The following CDT1 variants were observed in gnomAD, a reference collection of about 807,000 sequenced individuals.
CDT1 encodes DNA replication factor Cdt1.
In CDT1, 66 loss-of-function variants were observed where a neutral mutation model predicts 49.3. That is an observed-to-expected ratio of 1.34 (90% CI 1.10 to 1.64). The LOEUF is 1.64. Ranked by LOEUF, CDT1 falls within the 40% of genes most tolerant of loss-of-function variation. The pLI, the probability that CDT1 is intolerant of heterozygous loss-of-function variation, is 0.00. For synonymous variants in CDT1, 424 were observed against 347.4 expected, an observed-to-expected ratio of 1.22 and a Z score of -2.45; for missense variants, 958 against 807.7, an observed-to-expected ratio of 1.19 and a Z score of -2.26.
chr16:88,805,916 C>A, intron 5 of CDT1, 47 bp downstream of exon 5: 1 of 1,605,198 alleles, frequency 6.2e-7, no homozygotes, highest in Non-Finnish European at 8.5e-7. Flanking sequence ...GTGAGCCGCA[C>A]AGTTTCCAGG....
Position 88,805,547 on chromosome 16 carries a change from G to A in CDT1, c.596G>A (p.Ser199Asn). 3 of 1,612,912 alleles carry A rather than the reference G, an allele frequency of 1.9e-6. No homozygotes were observed. Among genetic ancestry groups the A allele is most frequent in the South Asian group, 1.1e-5 (1 of 91,090 alleles). The change falls in exon 4 of 10, where the codon AGC becomes AAC. Residue 199 changes from serine to asparagine, a missense_variant. Ser to Asn is a conservative substitution (Grantham distance 46, BLOSUM62 1). Coordinates refer to ENST00000301019, the MANE Select transcript of CDT1 (RefSeq NM_030928.4). The stretch of plus-strand genomic sequence containing the variant: ...CAGGTGCTGGCGGAGATGTTCCGCA[G>A]CATGGACACCATCGTGGGCATGCTC... ...KYQVLAEMFR[S>N]MDTIVGMLHN...
rs201599339 is a variant in CDT1, at chr16:88,804,779, T to C, written c.369T>C (p.Leu123=). Residue 123 remains leucine, a synonymous_variant, in exon 3 of 10, where the codon CTT becomes CTC. Coordinates refer to ENST00000301019, the MANE Select transcript of CDT1 (RefSeq NM_030928.4). ...CCCTGAAGGACACCATCTCTGAGCT[T>C]GCGTCATGCCTGCAACGGGCCCGGG... ...SAQDQDTISE[L]ASCLQRAREL... 3.7e-6 allele frequency: 6 copies of C among 1,612,790 alleles called. No homozygotes were observed. Among genetic ancestry groups the C allele is most frequent in the Non-Finnish European group, 5.1e-6 (6 of 1,179,862 alleles).
intron 6 of CDT1, 26 bp from the exon 7 acceptor site, chr16:88,806,460 G>A (rs1365920340): frequency 2.5e-6 from 4 of 1,607,478 alleles, no homozygotes; most frequent in African/African-American, 1.3e-5. Flanking sequence ...TGTGCCCAGG[G>A]TCACCCATCT....
At position 88,803,799 on chromosome 16, in the gene CDT1, T is replaced by C. The variant is rs778134414; in HGVS notation, c.-33T>C. The C allele has an allele frequency of 6.7e-7, 1 of 1,490,228 alleles. No individual in the cohort carries two copies. The highest frequency in any genetic ancestry group is 1.2e-5 in the South Asian group (1 of 86,698). The allele number at this position is 1,490,228 out of a possible 1,614,324, so 92.3% of individuals were successfully genotyped here. On this transcript the variant is annotated 5_prime_UTR_variant, in exon 1 of 10. Transcript: ENST00000301019. The stretch of plus-strand genomic sequence containing the variant: ...CGCGCCCGCCTCTTCCTCCCTTCCT[T>C]CTTTCCTTGCTTTCGCCGCGCACTC...
Position 88,805,494 on chromosome 16 carries a change from G to A in CDT1, c.543G>A (p.Leu181=). 6.2e-7 allele frequency: 1 copy of A among 1,612,874 alleles called. No homozygotes were observed. The highest frequency in any genetic ancestry group is 1.3e-5 in the African/African-American group (1 of 75,058). The change falls in exon 4 of 10, where the codon CTG becomes CTA. Residue 181 remains leucine, a synonymous_variant. Coordinates refer to ENST00000301019, the MANE Select transcript of CDT1 (RefSeq NM_030928.4). ...QRFHALAQPG[L]PGLVLPYKYQ... ...TCCATGCCCTGGCCCAGCCCGGCCT[G>A]CCGGGACTCGTGCTGCCCTACAAGT...
Position 88,808,212 on chromosome 16 carries a change from G to A in CDT1, c.1575G>A (p.Lys525=). The A allele has an allele frequency of 6.2e-7, 1 of 1,611,940 alleles. No homozygotes were observed. The change falls in exon 10 of 10, where the codon AAG becomes AAA. Residue 525 remains lysine, a synonymous_variant. Transcript: ENST00000301019. The part of the protein sequence containing the change: ...IRTDTYVKLD[K]AADLAHITAR... Reference sequence around the variant, plus strand: ...CCGACACCTACGTCAAGCTGGACAAGGCCGCGGACCTCGCCCACATCACTG... The same window carrying A: ...CCGACACCTACGTCAAGCTGGACAAAGCCGCGGACCTCGCCCACATCACTG...
In CDT1 at chr16:88,805,629, G is replaced by A; in HGVS notation, c.678G>A (p.Met226Ile). 2 of 1,612,750 alleles carry A rather than the reference G, an allele frequency of 1.2e-6. No homozygotes were observed. The highest frequency in any genetic ancestry group is 8.5e-7 in the Non-Finnish European group (1 of 1,179,966). Residue 226 changes from methionine (M) to isoleucine (I), a missense_variant, in exon 4 of 10, where the codon ATG (methionine) becomes ATA (isoleucine). Coordinates refer to ENST00000301019, the MANE Select transcript of CDT1 (RefSeq NM_030928.4). The stretch of plus-strand genomic sequence containing the variant: ...AGGTCCAGCGGGGCGTCCAGGACAT[G>A]ATGCGTAGGTGAGTGGCCGGGGGTG... ...FAKVQRGVQD[M>I]MRRRFEECNV...
intron 2 of CDT1, 47 bp downstream of exon 2, chr16:88,804,714 G>A (rs3212324): frequency 6.2e-7 from 1 of 1,612,180 alleles, no homozygotes. Context: ...GAGTGGTGCC[G>A]GCCTGCCTGC....
In CDT1 at chr16:88,808,812, T is replaced by C. The variant is rs777170519; in HGVS notation, c.*534T>C. 2.5e-5 allele frequency: 4 copies of C among 161,008 alleles called. No individual in the cohort carries two copies. Among genetic ancestry groups the C allele is most frequent in the South Asian group, 1.7e-4 (1 of 5,938 alleles). The allele number at this position is 161,008 out of a possible 1,614,324, so 10.0% of individuals were successfully genotyped here. A position where few individuals can be genotyped will look rare whatever the true frequency, so the allele number is the denominator to read the frequency against. Reference sequence around the variant, plus strand: ...GAGATCGAGACCATCCTGGCGAACATGGTGAAACCCCATCTCTACTAAAAA... The same window carrying C: ...GAGATCGAGACCATCCTGGCGAACACGGTGAAACCCCATCTCTACTAAAAA... On this transcript the variant is annotated 3_prime_UTR_variant, in exon 10 of 10. Transcript: ENST00000301019.
At position 88,808,487 on chromosome 16, in the gene CDT1, A is replaced by G; in HGVS notation, c.*209A>G. ...TTCATGGGGCTCACCTGGTGGATTC[A>G]CATTAAACCGGTTTCTGTGGGCACC... On this transcript the variant is annotated 3_prime_UTR_variant, in exon 10 of 10. Transcript: ENST00000301019. The G allele has an allele frequency of 1.6e-6, 1 of 606,294 alleles. No homozygotes were observed. Among genetic ancestry groups the G allele is most frequent in the Non-Finnish European group, 2.9e-6 (1 of 346,942 alleles). The allele number at this position is 606,294 out of a possible 1,614,324, so 37.6% of individuals were successfully genotyped here. A position where few individuals can be genotyped will look rare whatever the true frequency, so the allele number is the denominator to read the frequency against.
chr16:88,806,995 A>G, intron 7 of CDT1, 56 bp from the exon 8 acceptor site: 1 of 1,609,336 alleles, frequency 6.2e-7, no homozygotes, highest in Admixed American at 1.7e-5. Flanking sequence ...CTGGGCAGAC[A>G]GCCAGGGGCA....
rs778796113 is a variant in CDT1 at position 88,804,529 on chromosome 16, G to A, written c.229-16G>A. The A allele has an allele frequency of 3.7e-6, 6 of 1,610,762 alleles. No individual in the cohort carries two copies. Among genetic ancestry groups the A allele is most frequent in the Non-Finnish European group, 5.1e-6 (6 of 1,178,746 alleles). On this transcript the variant is annotated splice_polypyrimidine_tract_variant and intron_variant, in intron 1 of 9. Coordinates refer to ENST00000301019, the MANE Select transcript of CDT1 (RefSeq NM_030928.4). The stretch of plus-strand genomic sequence containing the variant: ...AGGTCTTGTCATGAGTTCACCCTTG[G>A]GGTCCCTCCCACCAGGTTTCCAGCC...
chr16:88,806,006 G>T lies in CDT1; in HGVS notation c.833-15G>T. 6.3e-7 allele frequency: 1 copy of T among 1,584,178 alleles called. No homozygotes were observed. Among genetic ancestry groups the T allele is most frequent in the Non-Finnish European group, 8.6e-7 (1 of 1,168,760 alleles). On this transcript the variant is annotated splice_polypyrimidine_tract_variant and intron_variant, in intron 5 of 9. Transcript: ENST00000301019. ...GGTGGCCTGGTGGGGACTTAGGCCT[G>T]GACTCGTCCCACAGAGGCTGACGGA...
rs535723934 is a variant in CDT1, at chr16:88,805,665, G to C, written c.686+28G>C. 151 of 1,612,528 alleles carry C rather than the reference G, an allele frequency of 9.4e-5. 1 individual carries two copies. The South Asian group carries it at 1.5e-3, about 16-fold the overall frequency. On this transcript the variant is annotated intron_variant, in intron 4 of 9. Coordinates refer to ENST00000301019, the MANE Select transcript of CDT1 (RefSeq NM_030928.4). ...GAGTGGCCGGGGGTGGGCTGTGGCT[G>C]TCCTGGAGTTGGGGGTGGGCCCGGG...
In CDT1 at chr16:88,807,164, C is replaced by CA; in HGVS notation, c.1237dup (p.Ser413LysfsTer44). 6.2e-7 allele frequency: 1 copy of CA among 1,612,546 alleles called. No individual in the cohort carries two copies. The highest frequency in any genetic ancestry group is 8.5e-7 in the Non-Finnish European group (1 of 1,179,858). ...CAGCCACCCCGCCTGCAGCCTCTCC[C>CA]AGTGCTCTGAAGGGGGTGTCCCAGG... On this transcript the variant is annotated frameshift_variant, in exon 8 of 10. Coordinates refer to ENST00000301019, the MANE Select transcript of CDT1 (RefSeq NM_030928.4). LOFTEE classifies it high-confidence loss of function.
intron 9 of CDT1, 123 bp from the exon 10 acceptor site, chr16:88,807,992 G>C: frequency 2.8e-6 from 3 of 1,079,524 alleles, no homozygotes; most frequent in Non-Finnish European, 4.2e-6. Flanking sequence ...CCTAAGTCCT[G>C]GTGATGGGGC....
chr16:88,803,839 AGCGCC>A lies in CDT1; in HGVS notation c.12_16del (p.Arg5HisfsTer116). 6.6e-7 allele frequency: 1 copy of A among 1,509,344 alleles called. No homozygotes were observed. Among genetic ancestry groups the A allele is most frequent in the Non-Finnish European group, 8.9e-7 (1 of 1,129,544 alleles). The allele number at this position is 1,509,344 out of a possible 1,614,324, so 93.5% of individuals were successfully genotyped here. The stretch of plus-strand genomic sequence containing the variant: ...GCCGCGCACTCCGCCGCCATGGAGC[AGCGCC>A]GCGTCACCGACTTCTTCGCGCGCCG... On this transcript the variant is annotated frameshift_variant, in exon 1 of 10. Coordinates refer to ENST00000301019, the MANE Select transcript of CDT1 (RefSeq NM_030928.4). LOFTEE classifies it high-confidence loss of function.
At chr16:88,804,733 C>A (rs200651260) in intron 2 of CDT1, 29 bp from the exon 3 acceptor site, 4 of 1,612,752 alleles carry the variant, frequency 2.5e-6, no homozygotes, top group South Asian at 2.2e-5. Flanking sequence ...GCCTGCCTGA[C>A]GGCACCGTGT....
At position 88,808,675 on chromosome 16, in the gene CDT1, T is replaced by C; in HGVS notation, c.*397T>C. 4.3e-6 allele frequency: 1 copy of C among 231,874 alleles called. No homozygotes were observed. Among genetic ancestry groups the C allele is most frequent in the South Asian group, 6.5e-5 (1 of 15,338 alleles). The allele number at this position is 231,874 out of a possible 1,614,324, so 14.4% of individuals were successfully genotyped here. A position where few individuals can be genotyped will look rare whatever the true frequency, so the allele number is the denominator to read the frequency against. ...TCTTGGAACCTCTGAATATGGGACC[T>C]CCCACAGCAAAGGGTGACTTTTGTC... is the stretch of plus-strand genomic sequence containing the variant. On this transcript the variant is annotated 3_prime_UTR_variant, in exon 10 of 10. Coordinates refer to ENST00000301019, the MANE Select transcript of CDT1 (RefSeq NM_030928.4).
Sources: gnomAD v4.1 joint callset for allele counts on GRCh38, gnomAD v4.1.1 for gene constraint, MANE v1.5 for transcripts, NCBI Gene and HGNC (gene_info 2026-07-23, HGNC 2026-07-21) for gene names.